DYNC1I1: variants seen among roughly 807,000 people sequenced by gnomAD.
The protein encoded by DYNC1I1 is dynein cytoplasmic 1 intermediate chain 1.
A neutral mutation model predicts 86.6 loss-of-function variants in DYNC1I1; 43 were observed. The observed-to-expected ratio is 0.50, with a 90% CI of 0.39 to 0.64. The LOEUF is 0.64. Among genes scored for constraint, DYNC1I1 ranks in the 30% least tolerant of loss-of-function variants. The probability of loss-of-function intolerance (pLI) is 0.00; values close to 1 mark genes in which losing one functional copy is unlikely to be tolerated. For synonymous variants in DYNC1I1, 262 were observed against 283.7 expected, an observed-to-expected ratio of 0.92 and a Z score of 0.77; for missense variants, 604 against 788.8, an observed-to-expected ratio of 0.77 and a Z score of 2.81.
At chr7:96,103,820 G>T (rs1791173257) in intron 16 of DYNC1I1, among the ~76,000 whole-genome samples, 1 of 152,066 alleles carries the variant, frequency 6.6e-6, no homozygotes, top group Non-Finnish European at 1.5e-5. Flanking sequence ...TACCGTGTTA[G>T]CAAGGATGGT....
chr7:95,926,982 C>T (rs943875996), intron 6 of DYNC1I1, among the ~76,000 whole-genome samples: 17 of 152,090 alleles, frequency 1.1e-4, no homozygotes, highest in South Asian at 6.2e-4. Context: ...ATCCAAATTT[C>T]GAACAAATTA....
intron 16 of DYNC1I1, among the ~76,000 whole-genome samples, chr7:96,083,440 G>C (rs1790581619): frequency 6.8e-6 from 1 of 146,202 alleles, no homozygotes; most frequent in African/African-American, 2.8e-5. Flanking sequence ...CTGAGGCTTA[G>C]CTGCAGCCCA....
chr7:95,806,388 T>A (rs548996992), intron 2 of DYNC1I1, among the ~76,000 whole-genome samples: 65 of 152,322 alleles, frequency 4.3e-4, no homozygotes, highest in African/African-American at 1.4e-3. Flanking sequence ...CAAACTAGAC[T>A]GATGGAAGCA....
chr7:95,847,937 C>T (rs892387090), intron 5 of DYNC1I1, among the ~76,000 whole-genome samples: 4 of 152,194 alleles, frequency 2.6e-5, no homozygotes, highest in Admixed American at 6.5e-5. Flanking sequence ...TGTGACTCAC[C>T]CATGTTGGCT....
chr7:96,032,617 G>A (rs1375769647), intron 11 of DYNC1I1, 50 bp from the exon 12 acceptor site: 1 of 1,386,798 alleles, frequency 7.2e-7, no homozygotes, highest in Non-Finnish European at 1.0e-6. Flanking sequence ...TCAAATGTAA[G>A]CATTTCCTCT....
intron 3 of DYNC1I1, among the ~76,000 whole-genome samples, chr7:95,812,899 G>C (rs892906502): frequency 2.0e-5 from 3 of 152,102 alleles, no homozygotes; most frequent in African/African-American, 7.2e-5. Flanking sequence ...ATAATGTGAA[G>C]AATCAGAATT....
chr7:95,861,855 C>CT (rs1426525454), intron 5 of DYNC1I1, among the ~76,000 whole-genome samples: 1 of 152,176 alleles, frequency 6.6e-6, no homozygotes, highest in African/African-American at 2.4e-5. Flanking sequence ...ATCCATCCTT[C>CT]ATCTGTGAGA....
intron 6 of DYNC1I1, among the ~76,000 whole-genome samples, chr7:95,871,315 A>G (rs1421747711): frequency 6.6e-6 from 1 of 152,218 alleles, no homozygotes; most frequent in African/African-American, 2.4e-5. Flanking sequence ...CCAACAAATG[A>G]GACCTGTATA....
intron 2 of DYNC1I1, among the ~76,000 whole-genome samples, chr7:95,807,378 A>G (rs2115810902): frequency 6.6e-6 from 1 of 152,180 alleles, no homozygotes; most frequent in Non-Finnish European, 1.5e-5. Flanking sequence ...CTGGAGTTAA[A>G]AGGGGGCTAC....
intron 6 of DYNC1I1, among the ~76,000 whole-genome samples, chr7:95,927,366 G>A (rs1791773300): frequency 6.6e-6 from 1 of 152,102 alleles, no homozygotes; most frequent in South Asian, 2.1e-4. Context: ...CAGAAGACAG[G>A]CAAATCTAAG....
At position 95,788,227 on chromosome 7, in the gene DYNC1I1, C is replaced by T. The variant is rs766964004; in HGVS notation, c.-10+15454C>T. 5.9e-5 allele frequency among the ~76,000 whole-genome samples: 9 copies of T among 152,228 alleles called. No homozygotes were observed. The South Asian group carries it at 6.2e-4, about 11-fold the overall frequency. ...GGCCAAAGATAGAAATGAGAAGACC[C>T]ATTAGGGGGCTTCTGCAGAAATATG... On this transcript the variant is annotated intron_variant, in intron 1 of 16. Coordinates refer to ENST00000447467, the MANE Select transcript of DYNC1I1 (RefSeq NM_001135556.2).
chr7:95,792,935 G>A (rs1454171883), intron 1 of DYNC1I1, among the ~76,000 whole-genome samples: 2 of 152,156 alleles, frequency 1.3e-5, no homozygotes, highest in African/African-American at 4.8e-5. Context: ...GAACTAGGGA[G>A]TGGAAGGATA....
At chr7:96,096,053 G>C (rs1434945451) in intron 16 of DYNC1I1, among the ~76,000 whole-genome samples, 3 of 152,094 alleles carry the variant, frequency 2.0e-5, no homozygotes, top group Non-Finnish European at 4.4e-5. Context: ...CGCAAAATAA[G>C]TCAGAGAACT....
intron 16 of DYNC1I1, among the ~76,000 whole-genome samples, chr7:96,092,187 A>T (rs1430358528): frequency 1.9e-5 from 1 of 54,028 alleles, no homozygotes. Context: ...TATACTTCTA[A>T]AAAAAAAAGT....
chr7:95,861,281 A>G (rs1789870158), intron 5 of DYNC1I1, among the ~76,000 whole-genome samples: 1 of 152,172 alleles, frequency 6.6e-6, no homozygotes, highest in African/African-American at 2.4e-5. Flanking sequence ...TGTGATTCAC[A>G]GTTTATGGAA....
intron 6 of DYNC1I1, among the ~76,000 whole-genome samples, chr7:95,935,047 T>C (rs1043502522): frequency 3.3e-5 from 5 of 151,994 alleles, no homozygotes; most frequent in Admixed American, 6.6e-5. Flanking sequence ...TTGTTAACTA[T>C]AGATACAATG....
In DYNC1I1 at chr7:95,887,888, T is replaced by A. The variant is rs113884227; in HGVS notation, c.490+17890T>A. 5.0e-3 allele frequency among the ~76,000 whole-genome samples: 758 copies of A among 152,270 alleles called. 7 individuals carry two copies. The highest frequency in any genetic ancestry group is 0.015 in the South Asian group (70 of 4,822). Reference sequence around the variant, plus strand: ...CGTAGCTTTAATCAGACTCTCAAAGTTACCCATCTATGATTCATTAACATG... The same window carrying A: ...CGTAGCTTTAATCAGACTCTCAAAGATACCCATCTATGATTCATTAACATG... On this transcript the variant is annotated intron_variant, in intron 6 of 16. Transcript: ENST00000447467.
chr7:95,806,714 T>C (rs189027685), intron 2 of DYNC1I1, among the ~76,000 whole-genome samples: 2 of 152,276 alleles, frequency 1.3e-5, no homozygotes, highest in Admixed American at 1.3e-4. Context: ...CAGGGTCAGA[T>C]TTTGGGATCC....
intron 1 of DYNC1I1, among the ~76,000 whole-genome samples, chr7:95,803,780 G>T (rs1464767320): frequency 6.6e-6 from 1 of 152,076 alleles, no homozygotes; most frequent in African/African-American, 2.4e-5. Flanking sequence ...TTTGGGCGAG[G>T]GCAGCTCTTC....
Sources: gnomAD v4.1 joint callset for allele counts (sites outside exome capture counted in the v4.1 genomes callset) on GRCh38, gnomAD v4.1.1 for gene constraint, MANE v1.5 for transcripts, NCBI Gene and HGNC (gene_info 2026-07-23, HGNC 2026-07-21) for gene names.